Variants in PDZRN3 observed in about 807,000 individuals in gnomAD.
The protein encoded by PDZRN3 is E3 ubiquitin-protein ligase PDZRN3.
A neutral mutation model predicts 85.7 loss-of-function variants in PDZRN3; 38 were observed. The observed-to-expected ratio is 0.44, with a 90% confidence interval of 0.34 to 0.58. The LOEUF (loss-of-function observed/expected upper bound fraction) is 0.58. Ranked by LOEUF, PDZRN3 falls within the 20% of genes least tolerant of loss-of-function variation. The probability of loss-of-function intolerance (pLI) is 0.01; values close to 1 mark genes in which losing one functional copy is unlikely to be tolerated. For missense variants in PDZRN3, 1,629 were observed against 1,506.4 expected (o/e 1.08, Z -1.35); for synonymous variants, 759 against 638.0 (o/e 1.19, Z -2.86).
intron 3 of PDZRN3, among the ~76,000 whole-genome samples, chr3:73,498,873 G>A (rs906461974): frequency 2.6e-5 from 4 of 152,090 alleles, no homozygotes; most frequent in East Asian, 1.9e-4. Context: ...GTGAGTCATC[G>A]TGCCTGGCCC....
chr3:73,429,138 T>A (rs76234995), intron 3 of PDZRN3, among the ~76,000 whole-genome samples: 4 of 152,048 alleles, frequency 2.6e-5, no homozygotes, highest in African/African-American at 9.7e-5. Flanking sequence ...CCTGAACTCC[T>A]GGGCTCGAGC....
chr3:73,560,999 G>A (rs542808994), intron 3 of PDZRN3, among the ~76,000 whole-genome samples: 1 of 152,298 alleles, frequency 6.6e-6, no homozygotes, highest in East Asian at 1.9e-4. Flanking sequence ...TATGTAAACA[G>A]CTCTTCTGGG....
chr3:73,509,982 C>T (rs1704134612), intron 3 of PDZRN3, among the ~76,000 whole-genome samples: 1 of 152,132 alleles, frequency 6.6e-6, no homozygotes, highest in Non-Finnish European at 1.5e-5. Context: ...GCAGTAACAA[C>T]AGAAAGCCAT....
At chr3:73,548,140 G>A (rs1229266386) in intron 3 of PDZRN3, among the ~76,000 whole-genome samples, 2 of 152,102 alleles carry the variant, frequency 1.3e-5, no homozygotes, top group East Asian at 3.8e-4. Context: ...CAACAACCCC[G>A]CGCCCACACC....
At chr3:73,397,332 A>G (rs187990125) in intron 5 of PDZRN3, among the ~76,000 whole-genome samples, 298 of 152,316 alleles carry the variant, frequency 2.0e-3, no homozygotes, top group African/African-American at 6.9e-3. Context: ...TTCAATTTAG[A>G]TGATAAGTGG....
chr3:73,440,626 C>T (rs567363140), intron 3 of PDZRN3, among the ~76,000 whole-genome samples: 13 of 152,310 alleles, frequency 8.5e-5, no homozygotes, highest in Admixed American at 3.9e-4. Flanking sequence ...TGGAAATTCC[C>T]GAGGGCGGTT....
At position 73,585,273 on chromosome 3, in the gene PDZRN3, C is replaced by T. The variant is rs577995860; in HGVS notation, c.918+17081G>A. ...TTAGGAAGTTTCTATTTGGTCTCTT[C>T]GTTTATATTAAGATTTACATTGGGT... On this transcript the variant is annotated intron_variant, in intron 3 of 9. Coordinates refer to ENST00000263666, the MANE Select transcript of PDZRN3 (RefSeq NM_015009.3). Among the ~76,000 whole-genome samples the T allele has an allele frequency of 3.3e-5, 5 of 152,246 alleles. No individual in the cohort carries two copies. The South Asian group carries it at 8.3e-4, about 25-fold the overall frequency.
intron 1 of PDZRN3, 51 bp from the exon 2 acceptor site, chr3:73,608,735 G>T (rs951479908): frequency 4.5e-6 from 5 of 1,120,190 alleles, no homozygotes; most frequent in Non-Finnish European, 6.6e-6. Flanking sequence ...GGGAATAGAT[G>T]GTAGGAATTT....
Position 73,404,353 on chromosome 3 carries a change from C to T in PDZRN3, c.961G>A (p.Val321Met). 1 of 1,614,156 alleles carries T rather than the reference C, an allele frequency of 6.2e-7. No homozygotes were observed. Among genetic ancestry groups the T allele is most frequent in the Non-Finnish European group, 8.5e-7 (1 of 1,180,006 alleles). The stretch of plus-strand genomic sequence containing the variant: ...TCCTTGGCTGTCTTGAAAGCTTCCA[C>T]AGCCTGGTCATGAGTTGCTCTGGAT... ...DLSRATHDQAVEAFKTAKEPI... is the reference protein window; with the variant it reads ...DLSRATHDQAMEAFKTAKEPI... The change falls in exon 4 of 10, where the codon GTG becomes ATG. Residue 321 changes from valine to methionine, a missense_variant. Coordinates refer to ENST00000263666, the MANE Select transcript of PDZRN3 (RefSeq NM_015009.3).
chr3:73,409,136 A>G (rs1701915246), intron 3 of PDZRN3, among the ~76,000 whole-genome samples: 1 of 152,336 alleles, frequency 6.6e-6, no homozygotes, highest in Non-Finnish European at 1.5e-5. Flanking sequence ...CCTGGGACTT[A>G]GGTGCAATTA....
chr3:73,563,013 A>ATATATATATTTT (rs1187151191), intron 3 of PDZRN3, among the ~76,000 whole-genome samples: 6 of 43,778 alleles, frequency 1.4e-4, no homozygotes, highest in Non-Finnish European at 1.5e-4. Flanking sequence ...ATATATATAT[A>ATATATATATTTT]TTTTTTTTTT....
chr3:73,421,010 C>T (rs189238579), intron 3 of PDZRN3, among the ~76,000 whole-genome samples: 11 of 152,290 alleles, frequency 7.2e-5, no homozygotes, highest in Admixed American at 7.2e-4. Context: ...TAATACAATG[C>T]CTACATCATG....
At chr3:73,409,827 T>C (rs1475321300) in intron 3 of PDZRN3, among the ~76,000 whole-genome samples, 1 of 152,216 alleles carries the variant, frequency 6.6e-6, no homozygotes, top group Non-Finnish European at 1.5e-5. Flanking sequence ...GAATGTAGTA[T>C]TTGGAAAAGG....
intron 3 of PDZRN3, among the ~76,000 whole-genome samples, chr3:73,517,853 T>G (rs951780677): frequency 1.3e-5 from 2 of 152,222 alleles, no homozygotes; most frequent in African/African-American, 4.8e-5. Context: ...ATAAGTTTCT[T>G]TGATGTGGGA....
At chr3:73,496,782 T>G (rs1358612882) in intron 3 of PDZRN3, among the ~76,000 whole-genome samples, 1 of 152,182 alleles carries the variant, frequency 6.6e-6, no homozygotes, top group African/African-American at 2.4e-5. Flanking sequence ...CTTTACCAGG[T>G]GGCCAATCCA....
intron 3 of PDZRN3, among the ~76,000 whole-genome samples, chr3:73,581,429 T>C (rs1479779706): frequency 6.6e-6 from 1 of 152,234 alleles, no homozygotes; most frequent in African/African-American, 2.4e-5. Flanking sequence ...TAAGATTTCA[T>C]TTCTATTTTA....
intron 3 of PDZRN3, among the ~76,000 whole-genome samples, chr3:73,498,734 G>A (rs1447763497): frequency 2.0e-5 from 3 of 152,120 alleles, no homozygotes; most frequent in East Asian, 1.9e-4. Flanking sequence ...ACAGGCACAC[G>A]CCACCGCGCC....
intron 3 of PDZRN3, among the ~76,000 whole-genome samples, chr3:73,466,579 G>C (rs953820267): frequency 6.6e-6 from 1 of 152,064 alleles, no homozygotes; most frequent in African/African-American, 2.4e-5. Context: ...TTTAGGATGG[G>C]GCTGGTCCAC....
At chr3:73,402,521 A>T (rs1389807452) in intron 4 of PDZRN3, 1 of 152,176 alleles carries the variant, frequency 6.6e-6, no homozygotes, top group African/African-American at 2.4e-5. Flanking sequence ...ATGAGAAATG[A>T]AGGAGATAGA....
Sources: gnomAD v4.1 joint callset for allele counts (sites outside exome capture counted in the v4.1 genomes callset) on GRCh38, gnomAD v4.1.1 for gene constraint, MANE v1.5 for transcripts, NCBI Gene and HGNC (gene_info 2026-07-23, HGNC 2026-07-21) for gene names.